The following ITPR1 variants were observed in gnomAD, a reference collection of about 807,000 sequenced individuals.
ITPR1 encodes the protein inositol 1,4,5-trisphosphate-gated calcium channel ITPR1.
Under a neutral mutation model 318.4 loss-of-function variants are expected in ITPR1, and 96 were observed. The observed-to-expected ratio is 0.30, with a 90% CI of 0.26 to 0.36. The LOEUF is 0.36. Among genes scored for constraint, ITPR1 ranks in the 10% least tolerant of loss-of-function variants. ITPR1 has a pLI of 1.00. For synonymous variants in ITPR1, 1,312 were observed against 1,289.9 expected (o/e 1.02, Z -0.37); for missense variants, 2,440 against 3,460.2 (o/e 0.71, Z 7.40).
At chr3:4,784,745 A>G (rs2047070914) in intron 51 of ITPR1, among the ~76,000 whole-genome samples, 1 of 136,936 alleles carries the variant, frequency 7.3e-6, no homozygotes, top group South Asian at 2.3e-4. Flanking sequence ...AAAAAAAAAA[A>G]AATTAGCCAG....
At chr3:4,762,050 TA>T (rs1559850662) in intron 44 of ITPR1, among the ~76,000 whole-genome samples, 2 of 151,978 alleles carry the variant, frequency 1.3e-5, no homozygotes, top group Non-Finnish European at 2.9e-5. Flanking sequence ...ACGCCCCTTC[TA>T]AGAAGAAGTA....
Position 4,540,483 on chromosome 3 carries a change from G to T in ITPR1, c.163+19389G>T, listed in dbSNP as rs773851035. ...AATGTTTAGTCCATTTACATTTGTT[G>T]TAATGTATTTATATTTATGATTTTA... On this transcript the variant is annotated intron_variant, in intron 4 of 61. Coordinates refer to ENST00000649015, the MANE Select transcript of ITPR1 (RefSeq NM_001378452.1). Among the ~76,000 whole-genome samples the T allele has an allele frequency of 2.0e-5, 3 of 152,184 alleles. 1 individual carries two copies. The South Asian group carries it at 6.2e-4, about 32-fold the overall frequency.
chr3:4,709,224 C>T, intron 37 of ITPR1, among the ~76,000 whole-genome samples: 1 of 152,108 alleles, frequency 6.6e-6, no homozygotes, highest in East Asian at 1.9e-4. Flanking sequence ...TCAGTATGAA[C>T]TAAGGGATGT....
intron 25 of ITPR1, 122 bp from the exon 26 acceptor site, chr3:4,681,242 T>C (rs2094292624): frequency 1.4e-6 from 1 of 695,890 alleles, no homozygotes. Flanking sequence ...CTTTGCAATA[T>C]AATGTTCTGG....
At chr3:4,530,278 C>A (rs1317422356) in intron 4 of ITPR1, among the ~76,000 whole-genome samples, 2 of 152,206 alleles carry the variant, frequency 1.3e-5, no homozygotes, top group African/African-American at 4.8e-5. Context: ...GCCCTGCACT[C>A]CTGGCCCAGC....
intron 17 of ITPR1, among the ~76,000 whole-genome samples, 196 bp downstream of exon 17, chr3:4,665,492 A>G (rs1372310891): frequency 6.6e-6 from 1 of 152,170 alleles, no homozygotes; most frequent in African/African-American, 2.4e-5. Context: ...CGTACTGGAG[A>G]ATTCTCTTCT....
At chr3:4,676,564 GA>G in intron 23 of ITPR1, 49 bp from the exon 24 acceptor site, 1 of 1,444,558 alleles carries the variant, frequency 6.9e-7, no homozygotes, top group South Asian at 1.2e-5. Flanking sequence ...ATATGCCTCT[GA>G]GCATTCTCTA....
At chr3:4,537,845 T>G (rs1045035147) in intron 4 of ITPR1, among the ~76,000 whole-genome samples, 1 of 152,230 alleles carries the variant, frequency 6.6e-6, no homozygotes, top group African/African-American at 2.4e-5. Flanking sequence ...ACGTTTTTGA[T>G]TATTTGTTAT....
chr3:4,795,841 A>G (rs1347767544), intron 53 of ITPR1, among the ~76,000 whole-genome samples: 1 of 152,144 alleles, frequency 6.6e-6, no homozygotes, highest in East Asian at 1.9e-4. Flanking sequence ...GGAGGTGGGC[A>G]TTTTGCTATT....
chr3:4,770,950 T>C lies in ITPR1; in HGVS notation c.5979+2186T>C, dbSNP rs538133855. Among the ~76,000 whole-genome samples, 20 of 152,276 alleles carry C rather than the reference T, an allele frequency of 1.3e-4. No individual in the cohort carries two copies. In the Middle Eastern group the frequency reaches 0.014, roughly 104 times the overall value. ...AGTGAGTGACCCACAGAGGACTAGA[T>C]GCTGAGCGGCTGAGCTTGGCATCTC... is the stretch of plus-strand genomic sequence containing the variant. On this transcript the variant is annotated intron_variant, in intron 46 of 61. Coordinates refer to ENST00000649015, the MANE Select transcript of ITPR1 (RefSeq NM_001378452.1).
chr3:4,834,321 A>G (rs772285181), intron 60 of ITPR1, among the ~76,000 whole-genome samples: 2 of 152,202 alleles, frequency 1.3e-5, no homozygotes, highest in Non-Finnish European at 2.9e-5. Flanking sequence ...TGCAGTGACC[A>G]TGTCTCTGTT....
intron 4 of ITPR1, among the ~76,000 whole-genome samples, chr3:4,587,449 T>G (rs2090022527): frequency 6.6e-6 from 1 of 152,118 alleles, no homozygotes; most frequent in South Asian, 2.1e-4. Flanking sequence ...TTTTGTGTTT[T>G]TAGTAGAGAC....
chr3:4,749,693 G>A lies in ITPR1; in HGVS notation c.5544+14339G>A, dbSNP rs147963507. ...CATTGAATTCACCAGCACCTGTAACGTTTCTTGAAGAATGCTTGCTAGGGA... is the reference window on the plus strand; with the variant it reads ...CATTGAATTCACCAGCACCTGTAACATTTCTTGAAGAATGCTTGCTAGGGA... On this transcript the variant is annotated intron_variant, in intron 44 of 61. Coordinates refer to ENST00000649015, the MANE Select transcript of ITPR1 (RefSeq NM_001378452.1). 699 of 152,486 alleles carry A rather than the reference G, an allele frequency of 4.6e-3. 4 individuals carry two copies. Among genetic ancestry groups the A allele is most frequent in the Non-Finnish European group, 6.7e-3 (455 of 68,030 alleles). 9.4% of individuals were successfully genotyped at this position (152,486 alleles called of 1,614,324 possible). A position where few individuals can be genotyped will look rare whatever the true frequency, so the allele number is the denominator to read the frequency against.
chr3:4,646,667 C>T (rs1041291413), intron 10 of ITPR1, among the ~76,000 whole-genome samples: 2 of 152,072 alleles, frequency 1.3e-5, no homozygotes, highest in Admixed American at 1.3e-4. Context: ...CTGCCCACAG[C>T]ATGTAATTTG....
intron 47 of ITPR1, among the ~76,000 whole-genome samples, chr3:4,776,043 G>A (rs76388222): frequency 0.01 from 1,532 of 152,260 alleles, 8 homozygotes; most frequent in Non-Finnish European, 0.015. Flanking sequence ...TAAGGATTTT[G>A]TGAGTTTTTG....
At chr3:4,785,855 A>G (rs1311047352) in intron 51 of ITPR1, among the ~76,000 whole-genome samples, 1 of 152,224 alleles carries the variant, frequency 6.6e-6, no homozygotes, top group Admixed American at 6.5e-5. Flanking sequence ...TTACAAATAG[A>G]TCTTAAATGG....
chr3:4,550,500 A>C (rs568490422), intron 4 of ITPR1, among the ~76,000 whole-genome samples: 5 of 152,348 alleles, frequency 3.3e-5, no homozygotes, highest in African/African-American at 9.6e-5. Flanking sequence ...GGACATAATA[A>C]ATATCCCTAA....
intron 26 of ITPR1, among the ~76,000 whole-genome samples, chr3:4,683,182 G>C (rs1265788396): frequency 6.6e-6 from 1 of 152,216 alleles, no homozygotes. Context: ...CTTTTAATAT[G>C]ACATCTTCCT....
chr3:4,768,488 C>A, intron 45 of ITPR1, 23 bp from the exon 46 acceptor site: 1 of 1,587,322 alleles, frequency 6.3e-7, no homozygotes, highest in South Asian at 1.1e-5. Context: ...TGCAGCCTTT[C>A]ATGCCTTATG....
Sources: gnomAD v4.1 joint callset for allele counts (sites outside exome capture counted in the v4.1 genomes callset) on GRCh38, gnomAD v4.1.1 for gene constraint, MANE v1.5 for transcripts, NCBI Gene and HGNC (gene_info 2026-07-23, HGNC 2026-07-21) for gene names.